The following GRID2 variants were observed in gnomAD, a reference collection of about 807,000 sequenced individuals.
GRID2 encodes glutamate ionotropic receptor delta type subunit 2.
Under a neutral mutation model 114.8 loss-of-function variants are expected in GRID2, and 33 were observed. The observed-to-expected ratio is 0.29, with a 90% CI of 0.22 to 0.38. The LOEUF (loss-of-function observed/expected upper bound fraction) is 0.38. GRID2 is among the 10% of genes least tolerant of loss of function. The probability of loss-of-function intolerance (pLI) is 1.00; values close to 1 mark genes in which losing one functional copy is unlikely to be tolerated. For missense variants in GRID2, 1,184 were observed against 1,257.7 expected (o/e 0.94, Z 0.89); for synonymous variants, 505 against 449.9 (o/e 1.12, Z -1.55).
chr4:92,429,656 T>C (rs940951176), intron 1 of GRID2, among the ~76,000 whole-genome samples: 7 of 152,168 alleles, frequency 4.6e-5, no homozygotes, highest in Admixed American at 1.3e-4. Flanking sequence ...TATTTTTAGT[T>C]TTATGAGGAA....
chr4:92,654,987 G>T (rs1732155920), intron 2 of GRID2, among the ~76,000 whole-genome samples: 1 of 151,690 alleles, frequency 6.6e-6, no homozygotes, highest in Non-Finnish European at 1.5e-5. Context: ...AAGAGTGTTT[G>T]TTTTTTTACG....
chr4:92,687,641 A>G (rs1339517433), intron 2 of GRID2, among the ~76,000 whole-genome samples: 2 of 152,108 alleles, frequency 1.3e-5, no homozygotes, highest in Non-Finnish European at 2.9e-5. Context: ...CATCCTGGCT[A>G]ACACGGTGAA....
intron 13 of GRID2, among the ~76,000 whole-genome samples, chr4:93,565,380 G>A (rs560181215): frequency 1.3e-5 from 2 of 152,186 alleles, no homozygotes; most frequent in East Asian, 3.9e-4. Flanking sequence ...TAGGCAAAGT[G>A]TACAAGGTGC....
intron 3 of GRID2, among the ~76,000 whole-genome samples, chr4:93,088,357 C>T (rs546396664): frequency 3.3e-5 from 5 of 152,258 alleles, no homozygotes; most frequent in African/African-American, 1.2e-4. Context: ...ATTCATTGCT[C>T]ACTTGCTCAG....
At chr4:93,450,651 T>A (rs974755556) in intron 10 of GRID2, among the ~76,000 whole-genome samples, 2 of 151,884 alleles carry the variant, frequency 1.3e-5, no homozygotes, top group African/African-American at 4.8e-5. Flanking sequence ...ATCCTTTTCA[T>A]GACTTGAGAG....
intron 2 of GRID2, among the ~76,000 whole-genome samples, chr4:92,677,430 T>C (rs1374574983): frequency 1.3e-5 from 2 of 152,192 alleles, no homozygotes; most frequent in Non-Finnish European, 1.5e-5. Context: ...ATTTAATAAC[T>C]CTTAGGTGGT....
At chr4:92,812,532 A>G (rs1019014490) in intron 2 of GRID2, among the ~76,000 whole-genome samples, 1 of 152,080 alleles carries the variant, frequency 6.6e-6, no homozygotes, top group African/African-American at 2.4e-5. Flanking sequence ...TTACACTATT[A>G]CCACTGTGAT....
chr4:92,695,526 A>G (rs1734387648), intron 2 of GRID2, among the ~76,000 whole-genome samples: 1 of 152,188 alleles, frequency 6.6e-6, no homozygotes, highest in Admixed American at 6.5e-5. Context: ...AAAGAGTTCC[A>G]AAATTTAACT....
At position 92,658,816 on chromosome 4, in the gene GRID2, TATACAC is replaced by T. The variant is rs892574999; in HGVS notation, c.244+68532_244+68537del. On this transcript the variant is annotated intron_variant, in intron 2 of 15. Coordinates refer to ENST00000282020, the MANE Select transcript of GRID2 (RefSeq NM_001510.4). ...GTGTATATATATATATATATATATA[TATACAC>T]ACACACAATCACATTCATTGTATGT... is the stretch of plus-strand genomic sequence containing the variant. Among the ~76,000 whole-genome samples, 3 of 76,186 alleles carry T rather than the reference TATACAC, an allele frequency of 3.9e-5. 1 individual carries two copies. The East Asian group carries it at 1.3e-3, about 33-fold the overall frequency. 50.0% of individuals were successfully genotyped at this position (76,186 alleles called of 152,430 possible). A position where few individuals can be genotyped will look rare whatever the true frequency, so the allele number is the denominator to read the frequency against.
chr4:93,325,053 C>A (rs893447077), intron 8 of GRID2, among the ~76,000 whole-genome samples: 1 of 152,100 alleles, frequency 6.6e-6, no homozygotes. Flanking sequence ...CTGCTCCGAT[C>A]TTAGTTATTT....
chr4:92,718,948 A>G (rs541644630), intron 2 of GRID2, among the ~76,000 whole-genome samples: 1 of 152,148 alleles, frequency 6.6e-6, no homozygotes, highest in African/African-American at 2.4e-5. Context: ...CACTTAGGAT[A>G]AATTTTGTGA....
At chr4:92,499,151 CTTATTT>C (rs1723547510) in intron 1 of GRID2, among the ~76,000 whole-genome samples, 2 of 151,490 alleles carry the variant, frequency 1.3e-5, no homozygotes, top group African/African-American at 4.8e-5. Context: ...TTCCTTTTTT[CTTATTT>C]TTATTTGATG....
chr4:93,433,658 C>T (rs1198863528), intron 10 of GRID2, among the ~76,000 whole-genome samples: 1 of 152,178 alleles, frequency 6.6e-6, no homozygotes, highest in Admixed American at 6.5e-5. Context: ...ATCCCGCACA[C>T]TGGGTTATTG....
intron 7 of GRID2, among the ~76,000 whole-genome samples, chr4:93,225,899 T>C (rs1579346082): frequency 6.6e-6 from 1 of 152,236 alleles, no homozygotes; most frequent in East Asian, 1.9e-4. Flanking sequence ...GAGGGTCATC[T>C]CATGGCAGAA....
intron 2 of GRID2, among the ~76,000 whole-genome samples, chr4:92,965,450 T>TGGAA (rs1393372287): frequency 1.2e-5 from 1 of 85,760 alleles, no homozygotes; most frequent in African/African-American, 4.4e-5. Context: ...ATTCAATTTG[T>TGGAA]AAAAAAAAAA....
At chr4:93,233,963 T>A (rs1249951135) in intron 7 of GRID2, among the ~76,000 whole-genome samples, 1 of 152,176 alleles carries the variant, frequency 6.6e-6, no homozygotes, top group African/African-American at 2.4e-5. Flanking sequence ...ATGTTTGGTT[T>A]TGTGGCCTTT....
intron 2 of GRID2, among the ~76,000 whole-genome samples, chr4:92,857,121 G>T (rs1312257007): frequency 1.3e-5 from 2 of 152,212 alleles, no homozygotes; most frequent in African/African-American, 2.4e-5. Flanking sequence ...CTCCAGCAAT[G>T]GATTGTTCCA....
At chr4:93,742,395 G>A (rs909275945) in intron 14 of GRID2, among the ~76,000 whole-genome samples, 1 of 152,170 alleles carries the variant, frequency 6.6e-6, no homozygotes, top group African/African-American at 2.4e-5. Flanking sequence ...AACGATGTGT[G>A]TAAAGTACCT....
intron 1 of GRID2, among the ~76,000 whole-genome samples, chr4:92,521,232 C>A (rs1724760425): frequency 6.6e-6 from 1 of 151,798 alleles, no homozygotes; most frequent in Admixed American, 6.6e-5. Context: ...TTCCTTAATA[C>A]TACACTTCTT....
Sources: allele counts gnomAD v4.1 joint callset (sites outside exome capture counted in the v4.1 genomes callset), GRCh38; gene constraint gnomAD v4.1.1; transcripts MANE v1.5; gene names NCBI Gene and HGNC (gene_info 2026-07-23, HGNC 2026-07-21).